The following UTP20 variants were observed in gnomAD, a reference collection of about 807,000 sequenced individuals.
UTP20 encodes UTP20 small subunit processome component, also known as small subunit processome component 20 homolog.
UTP20 carries 164 observed loss-of-function variants against 329.5 expected under a neutral mutation model. That is an observed-to-expected ratio of 0.50 (90% CI 0.44 to 0.57). The LOEUF is 0.57. UTP20 is among the 20% of genes least tolerant of loss of function. UTP20 has a pLI of 0.00. For synonymous variants in UTP20, 1,151 were observed against 1,159.3 expected, an observed-to-expected ratio of 0.99 and a Z score of 0.14; for missense variants, 3,055 against 3,284.2, an observed-to-expected ratio of 0.93 and a Z score of 1.71.
At chr12:101,342,678 A>T (rs1349099618) in intron 33 of UTP20, 89 bp downstream of exon 33, 18 of 1,533,218 alleles carry the variant, frequency 1.2e-5, no homozygotes, top group Non-Finnish European at 1.5e-5. Context: ...TCTTCATGCC[A>T]GGGTGATGTT....
chr12:101,357,123 G>A, intron 43 of UTP20, 41 bp downstream of exon 43: 1 of 1,557,832 alleles, frequency 6.4e-7, no homozygotes, highest in East Asian at 2.3e-5. Flanking sequence ...TTGTATTGGA[G>A]TTAAAATATT....
Position 101,290,283 on chromosome 12 carries a change from T to C in UTP20, c.735+9T>C, listed in dbSNP as rs752097459. 23 of 1,578,564 alleles carry C rather than the reference T, an allele frequency of 1.5e-5. No homozygotes were observed. In the East Asian group the frequency reaches 4.1e-4, roughly 28 times the overall value. On this transcript the variant is annotated intron_variant, in intron 7 of 61. Transcript: ENST00000261637. ...ACTCCTGTACAGGCCAGGTACATAA[T>C]GGGGAGGGGTGCTTAGAGTCTATGT...
chr12:101,355,203 T>C (rs1869681258), intron 41 of UTP20, 85 bp downstream of exon 41: 1 of 1,447,832 alleles, frequency 6.9e-7, no homozygotes, highest in Non-Finnish European at 9.4e-7. Flanking sequence ...TTGGTGATTA[T>C]TGATTGATTT....
chr12:101,290,328 T>G, intron 7 of UTP20, 54 bp downstream of exon 7: 1 of 1,529,738 alleles, frequency 6.5e-7, no homozygotes, highest in South Asian at 1.4e-5. Context: ...AAACAGAAAG[T>G]AGAAAAGAAT....
chr12:101,321,952 A>G (rs1024396068), intron 25 of UTP20, among the ~76,000 whole-genome samples: 1 of 151,526 alleles, frequency 6.6e-6, no homozygotes, highest in African/African-American at 2.4e-5. Context: ...CCAAATTGGT[A>G]TAGAGACTAA....
intron 51 of UTP20, 113 bp from the exon 52 acceptor site, chr12:101,372,771 T>C: frequency 1.3e-6 from 1 of 767,794 alleles, no homozygotes; most frequent in Non-Finnish European, 2.2e-6. Context: ...GCCTGATTGA[T>C]TGCCATTCTG....
chr12:101,315,493 A>G (rs1872944681), intron 21 of UTP20, among the ~76,000 whole-genome samples: 1 of 152,140 alleles, frequency 6.6e-6, no homozygotes, highest in South Asian at 2.1e-4. Context: ...AAAAAAAAAA[A>G]AGGCTAGAAC....
In UTP20 at chr12:101,285,799, G is replaced by A. The variant is rs762468305; in HGVS notation, c.244G>A (p.Val82Met). 8 of 1,613,604 alleles carry A rather than the reference G, an allele frequency of 5.0e-6. No homozygotes were observed. The highest frequency in any genetic ancestry group is 6.8e-6 in the Non-Finnish European group (8 of 1,179,900). ...CAAATGCCAATCATTCAATCAGTTG[G>A]TGTATCACCAAAACGAGATAGTTCA... ...IDKCQSFNQL[V>M]YHQNEIVQSL... The change falls in exon 4 of 62, where the codon GTG becomes ATG. Residue 82 changes from valine (V) to methionine (M), a missense_variant. Physicochemically the swap from Val to Met is conservative, Grantham distance 21. Transcript: ENST00000261637.
chr12:101,352,364 G>C (rs574394492), intron 39 of UTP20, among the ~76,000 whole-genome samples, 170 bp downstream of exon 39: 3 of 152,202 alleles, frequency 2.0e-5, no homozygotes, highest in Admixed American at 2.0e-4. Context: ...AAACATACGT[G>C]TGCATGTGTC....
rs921424681 is a variant in UTP20, at chr12:101,311,736, T to A, written c.2249T>A (p.Met750Lys). Reference protein sequence around the residue: ...IELISSHAHEMENKQFWKVYY... With the variant: ...IELISSHAHEKENKQFWKVYY... Reference sequence around the variant, plus strand: ...TCCCTTAGTTCTCATGCACACGAAATGGAAAATAAGCAATTTTGGAAAGTC... The same window carrying A: ...TCCCTTAGTTCTCATGCACACGAAAAGGAAAATAAGCAATTTTGGAAAGTC... Residue 750 changes from methionine (M) to lysine (K), a missense_variant, in exon 20 of 62, where the codon ATG becomes AAG. By Grantham distance (95) the Met-to-Lys change is moderately conservative (BLOSUM62 -1). Transcript: ENST00000261637. The A allele has an allele frequency of 1.2e-6, 2 of 1,612,690 alleles. No homozygotes were observed. Among genetic ancestry groups the A allele is most frequent in the Non-Finnish European group, 1.7e-6 (2 of 1,179,720 alleles).
chr12:101,354,793 A>G (rs1869661069), intron 40 of UTP20, 39 bp from the exon 41 acceptor site: 1 of 1,582,314 alleles, frequency 6.3e-7, no homozygotes. Flanking sequence ...TGGTTTCATT[A>G]TTTGCTTTAA....
At chr12:101,345,096 C>G (rs1227397740) in intron 36 of UTP20, among the ~76,000 whole-genome samples, 1 of 151,788 alleles carries the variant, frequency 6.6e-6, no homozygotes. Flanking sequence ...CAGGCACATG[C>G]CACCACGCCC....
rs4764795 is a variant in UTP20 at position 101,386,270 on chromosome 12, C to T, written c.*147C>T. 0.15 allele frequency: 99,282 copies of T among 681,812 alleles called. 8,300 individuals are homozygous for T. The highest frequency in any genetic ancestry group is 0.19 in the Middle Eastern group (459 of 2,364). The allele number at this position is 681,812 out of a possible 1,614,324, so 42.2% of individuals were successfully genotyped here. On this transcript the variant is annotated 3_prime_UTR_variant, in exon 62 of 62. Transcript: ENST00000261637. ...TGTCACCCAAGGTGGAGTGCAGTGA[C>T]GACATCACAGCTCACTGCAGCCTCA...
At chr12:101,368,256 C>T (rs1870164519) in intron 48 of UTP20, among the ~76,000 whole-genome samples, 1 of 151,708 alleles carries the variant, frequency 6.6e-6, no homozygotes, top group Non-Finnish European at 1.5e-5. Context: ...CCTCAGCCTC[C>T]CAAGTAGCAG....
intron 51 of UTP20, among the ~76,000 whole-genome samples, chr12:101,372,454 G>A (rs757927949): frequency 2.6e-5 from 4 of 152,198 alleles, no homozygotes; most frequent in Non-Finnish European, 5.9e-5. Flanking sequence ...CACATAGAGG[G>A]TTTTTAGTAA....
At chr12:101,320,800 C>A in intron 23 of UTP20, 52 bp from the exon 24 acceptor site, 14 of 1,470,558 alleles carry the variant, frequency 9.5e-6, no homozygotes, top group South Asian at 1.3e-5. Context: ...AATTGCTATC[C>A]TATGGTATAT....
At chr12:101,280,439 T>C (rs532028564) in intron 1 of UTP20, 112 bp downstream of exon 1, 4 of 1,317,042 alleles carry the variant, frequency 3.0e-6, no homozygotes, top group Admixed American at 4.5e-5. Context: ...TGTGTCACTT[T>C]CCTGGAGGCT....
At chr12:101,350,229 T>C (rs747159448) in intron 38 of UTP20, among the ~76,000 whole-genome samples, 2 of 152,162 alleles carry the variant, frequency 1.3e-5, no homozygotes, top group Non-Finnish European at 2.9e-5. Context: ...TGCAGTGGTA[T>C]GATCATAGCT....
chr12:101,353,947 T>C (rs953775449), intron 40 of UTP20, among the ~76,000 whole-genome samples: 1 of 152,070 alleles, frequency 6.6e-6, no homozygotes, highest in Non-Finnish European at 1.5e-5. Flanking sequence ...GATAGATTTC[T>C]AACCATTAAA....
Sources: allele counts gnomAD v4.1 joint callset (sites outside exome capture counted in the v4.1 genomes callset), GRCh38; gene constraint gnomAD v4.1.1; transcripts MANE v1.5; gene names NCBI Gene and HGNC (gene_info 2026-07-23, HGNC 2026-07-21).